JAKMIP3: variants seen among roughly 807,000 people sequenced by gnomAD.
The protein encoded by JAKMIP3 is janus kinase and microtubule-interacting protein 3.
A neutral mutation model predicts 118.5 loss-of-function variants in JAKMIP3; 58 were observed. The observed-to-expected ratio is 0.49, with a 90% CI of 0.40 to 0.61. The LOEUF (loss-of-function observed/expected upper bound fraction) is 0.61. Ranked by LOEUF, JAKMIP3 falls within the 20% of genes least tolerant of loss-of-function variation. The pLI is 0.00. For missense variants in JAKMIP3, 950 were observed against 1,109.0 expected, an observed-to-expected ratio of 0.86 and a Z score of 2.04; for synonymous variants, 486 against 451.2, an observed-to-expected ratio of 1.08 and a Z score of -0.98.
intron 20 of JAKMIP3, among the ~76,000 whole-genome samples, chr10:132,163,987 C>T (rs1449668548): frequency 6.6e-6 from 1 of 152,222 alleles, no homozygotes; most frequent in Non-Finnish European, 1.5e-5. Flanking sequence ...ATGTGTAGGA[C>T]ACGGCCCAGC....
intron 3 of JAKMIP3, among the ~76,000 whole-genome samples, chr10:132,129,964 G>A (rs2050268309): frequency 6.6e-6 from 1 of 151,182 alleles, no homozygotes; most frequent in African/African-American, 2.4e-5. Flanking sequence ...CATGGTATTG[G>A]CAGATTATCC....
intron 1 of JAKMIP3, among the ~76,000 whole-genome samples, chr10:132,080,452 C>T (rs1296296630): frequency 6.8e-6 from 1 of 147,610 alleles, no homozygotes; most frequent in East Asian, 2.0e-4. Flanking sequence ...TATTCAAATC[C>T]TTCCTAATTT....
intron 1 of JAKMIP3, among the ~76,000 whole-genome samples, chr10:132,071,365 A>C (rs928487357): frequency 4.6e-5 from 7 of 152,222 alleles, no homozygotes; most frequent in Non-Finnish European, 7.3e-5. Flanking sequence ...TGTGTGCATC[A>C]AAATACTACA....
upstream of JAKMIP3, among the ~76,000 whole-genome samples, chr10:132,060,684 A>G (rs569446105): frequency 5.4e-4 from 82 of 152,356 alleles, no homozygotes; most frequent in African/African-American, 1.9e-3. Flanking sequence ...AAGATTGGAA[A>G]GAAACAAAAA....
chr10:132,085,437 G>A (rs1310453049), intron 1 of JAKMIP3, among the ~76,000 whole-genome samples: 1 of 151,166 alleles, frequency 6.6e-6, no homozygotes, highest in African/African-American at 2.4e-5. Flanking sequence ...TTTTAATTGA[G>A]CTTATTTGGA....
chr10:132,087,870 A>G (rs1176695873), intron 1 of JAKMIP3, among the ~76,000 whole-genome samples: 1 of 151,738 alleles, frequency 6.6e-6, no homozygotes, highest in Non-Finnish European at 1.5e-5. Context: ...CCCGCACCCC[A>G]TGACAGGCCC....
intron 23 of JAKMIP3, among the ~76,000 whole-genome samples, 156 bp downstream of exon 23, chr10:132,169,189 G>A (rs2059224281): frequency 6.6e-6 from 1 of 152,210 alleles, no homozygotes; most frequent in Non-Finnish European, 1.5e-5. Context: ...CGCCACTGAC[G>A]GGACAGGGCC....
Position 132,117,022 on chromosome 10 carries a change from G to A in JAKMIP3, c.136-55G>A. The A allele has an allele frequency of 6.4e-7, 1 of 1,551,104 alleles. No individual in the cohort carries two copies. Among genetic ancestry groups the A allele is most frequent in the South Asian group, 1.2e-5 (1 of 81,176 alleles). ...CTCCCCCAAATGCACATTCAGGTGT[G>A]AGTGTGTGCATGGCTGGAGCTCCTG... is the stretch of plus-strand genomic sequence containing the variant. On this transcript the variant is annotated intron_variant, in intron 2 of 23. Transcript: ENST00000684848. The surrounding 1 kb of genome is among the most constrained non-coding windows in gnomAD (Gnocchi z 8.6).
chr10:132,076,121 G>A (rs971268242), intron 1 of JAKMIP3, among the ~76,000 whole-genome samples: 2 of 152,100 alleles, frequency 1.3e-5, no homozygotes, highest in Non-Finnish European at 1.5e-5. Context: ...CATTTCCATC[G>A]CCCCCAGAAG....
At position 132,179,244 on chromosome 10, in the gene JAKMIP3, C is replaced by G. The variant is rs1315300926; in HGVS notation, c.*1104-3113C>G. 6.6e-6 allele frequency among the ~76,000 whole-genome samples: 1 copy of G among 152,238 alleles called. No homozygotes were observed. The highest frequency in any genetic ancestry group is 1.5e-5 in the Non-Finnish European group (1 of 68,040). Reference sequence around the variant, plus strand: ...CCCTCCAGCGTGAAGGGCAGGGGCCCTCAGTGCTCATCCTCCCCCAGCATC... The same window carrying G: ...CCCTCCAGCGTGAAGGGCAGGGGCCGTCAGTGCTCATCCTCCCCCAGCATC... On this transcript the variant is annotated intron_variant, in intron 23 of 23. Transcript: ENST00000684848. This position sits in a 1 kb window ranked among gnomAD's most constrained non-coding sequence, Gnocchi z 4.3.
At chr10:132,169,107 C>T (rs2059213918) in intron 23 of JAKMIP3, 74 bp downstream of exon 23, 1 of 152,660 alleles carries the variant, frequency 6.6e-6, no homozygotes, top group Non-Finnish European at 1.5e-5. Flanking sequence ...TTCTTCACAC[C>T]TCTGTGTCCC....
intron 23 of JAKMIP3, among the ~76,000 whole-genome samples, chr10:132,175,161 G>A (rs958260511): frequency 6.6e-6 from 1 of 152,170 alleles, no homozygotes; most frequent in Non-Finnish European, 1.5e-5. Context: ...TTTGATGTTA[G>A]AACTAAGAAA....
At chr10:132,091,708 G>A (rs961335976) in intron 1 of JAKMIP3, among the ~76,000 whole-genome samples, 1 of 152,106 alleles carries the variant, frequency 6.6e-6, no homozygotes, top group Non-Finnish European at 1.5e-5. Context: ...ACACTGATGG[G>A]TCTTGACTCT....
chr10:132,095,924 A>G (rs2043796459), intron 1 of JAKMIP3, among the ~76,000 whole-genome samples: 1 of 152,056 alleles, frequency 6.6e-6, no homozygotes, highest in Non-Finnish European at 1.5e-5. Context: ...TGCCCTGAGT[A>G]TTACAGCTCA....
intron 11 of JAKMIP3, among the ~76,000 whole-genome samples, chr10:132,142,661 A>T (rs2053770442): frequency 1.3e-5 from 2 of 152,138 alleles, no homozygotes; most frequent in Non-Finnish European, 2.9e-5. Flanking sequence ...CCTCGTGGGG[A>T]GAGCGTGGGC....
chr10:132,071,584 C>A (rs2039853807), intron 1 of JAKMIP3, among the ~76,000 whole-genome samples: 1 of 152,122 alleles, frequency 6.6e-6, no homozygotes, highest in South Asian at 2.1e-4. Context: ...GTGAATATCC[C>A]TGTTTCTACT....
chr10:132,138,950 T>C (rs928087878), intron 9 of JAKMIP3, among the ~76,000 whole-genome samples: 2 of 152,264 alleles, frequency 1.3e-5, no homozygotes, highest in African/African-American at 4.8e-5. Context: ...TGTCATCATT[T>C]CTCTACAGTA....
chr10:132,122,506 C>T (rs1168892591), intron 3 of JAKMIP3, among the ~76,000 whole-genome samples: 2 of 152,224 alleles, frequency 1.3e-5, no homozygotes, highest in African/African-American at 4.8e-5. Flanking sequence ...AGGGACTGGG[C>T]AGGGGCAGAA....
At chr10:132,097,934 C>CCCTT (rs2044190166) in intron 1 of JAKMIP3, among the ~76,000 whole-genome samples, 17 of 34,458 alleles carry the variant, frequency 4.9e-4, no homozygotes, top group Non-Finnish European at 9.8e-4. Context: ...CCTTCCCCTT[C>CCCTT]CCCTTTCCCT....
Sources: gnomAD v4.1 joint callset for allele counts (sites outside exome capture counted in the v4.1 genomes callset) on GRCh38, gnomAD v4.1.1 for gene constraint, Gnocchi (gnomAD v3.1) non-coding constraint, MANE v1.5 for transcripts, NCBI Gene and HGNC (gene_info 2026-07-23, HGNC 2026-07-21) for gene names.